The following KCNK10 variants were observed in gnomAD, a reference collection of about 807,000 sequenced individuals.
KCNK10 encodes potassium two pore domain channel subfamily K member 10, also known as potassium channel subfamily K member 10.
A neutral mutation model predicts 47.7 loss-of-function variants in KCNK10; 25 were observed. The ratio of observed to expected loss-of-function variants is 0.52; its 90% CI spans 0.38 to 0.73. KCNK10 has a LOEUF of 0.73. Among genes scored for constraint, KCNK10 ranks in the 30% least tolerant of loss-of-function variants. The pLI, the probability that KCNK10 is intolerant of heterozygous loss-of-function variation, is 0.00. For synonymous variants in KCNK10, 303 were observed against 285.6 expected (o/e 1.06, Z -0.61); for missense variants, 563 against 714.5 (o/e 0.79, Z 2.42).
At chr14:88,238,774 T>A (rs1886368960) in intron 3 of KCNK10, among the ~76,000 whole-genome samples, 1 of 152,232 alleles carries the variant, frequency 6.6e-6, no homozygotes, top group South Asian at 2.1e-4. Context: ...CAAAATGCCT[T>A]CCTCACCAAT....
Position 88,205,253 on chromosome 14 carries a change from G to A in KCNK10, c.682-12843C>T, listed in dbSNP as rs1048199109. ...CTTTTTAGCTTCTGTGCCCTTTTAAGGGCTGTTCCATCTGCTAGGATAAGG... is the reference window on the plus strand; with the variant it reads ...CTTTTTAGCTTCTGTGCCCTTTTAAAGGCTGTTCCATCTGCTAGGATAAGG... On this transcript the variant is annotated intron_variant, in intron 4 of 6. Coordinates refer to ENST00000319231, the MANE Select transcript of KCNK10 (RefSeq NM_138317.3). Among the ~76,000 whole-genome samples the A allele has an allele frequency of 2.6e-5, 4 of 152,132 alleles. No homozygotes were observed. In the East Asian group the frequency reaches 7.7e-4, roughly 29 times the overall value.
chr14:88,323,397 G>T, upstream of KCNK10: 3 of 684,474 alleles, frequency 4.4e-6, no homozygotes, highest in Non-Finnish European at 5.4e-6. Flanking sequence ...GGGTGGCGCG[G>T]CGCCCGGGCA....
In KCNK10 at chr14:88,186,158, G is replaced by A; in HGVS notation, c.1012-3C>T. ...GCATGGGCCTTGATTTCACCCACCT[G>A]GCCAAGAGACAGAAGAGCAACAATA... is the stretch of plus-strand genomic sequence containing the variant. On this transcript the variant is annotated splice_polypyrimidine_tract_variant and splice_region_variant and intron_variant, in intron 6 of 6. Transcript: ENST00000319231. This position sits in a 1 kb window ranked among gnomAD's most constrained non-coding sequence, Gnocchi z 5.5. 1 of 1,573,754 alleles carries A rather than the reference G, an allele frequency of 6.4e-7. No individual in the cohort carries two copies. Among genetic ancestry groups the A allele is most frequent in the South Asian group, 1.2e-5 (1 of 84,714 alleles).
At chr14:88,188,275 C>A (rs1247404048) in intron 5 of KCNK10, among the ~76,000 whole-genome samples, 166 bp from the exon 6 acceptor site, 2 of 152,092 alleles carry the variant, frequency 1.3e-5, no homozygotes, top group African/African-American at 2.4e-5. Flanking sequence ...AGGGGGGTAC[C>A]CATCCCTTAC....
intron 3 of KCNK10, chr14:88,235,183 T>C (rs1193722221): frequency 2.0e-5 from 9 of 456,578 alleles, no homozygotes; most frequent in Non-Finnish European, 3.5e-5. Context: ...TAGGATGTGC[T>C]GTCTGGAAGG....
intron 1 of KCNK10, among the ~76,000 whole-genome samples, chr14:88,315,514 C>CAGA: frequency 6.6e-6 from 1 of 152,164 alleles, no homozygotes; most frequent in East Asian, 1.9e-4. Context: ...CTGTCAGGCT[C>CAGA]ATATCACATT....
At chr14:88,325,266 C>G (rs1473695098), upstream of KCNK10, among the ~76,000 whole-genome samples, 1 of 152,196 alleles carries the variant, frequency 6.6e-6, no homozygotes, top group East Asian at 1.9e-4. Context: ...CAGCTGGACT[C>G]TAGCACAGTC....
chr14:88,251,070 T>C (rs979568403), intron 2 of KCNK10, among the ~76,000 whole-genome samples: 7 of 150,716 alleles, frequency 4.6e-5, no homozygotes, highest in Non-Finnish European at 7.4e-5. Flanking sequence ...CCGTCTCTAC[T>C]AAAAATACAA....
intron 4 of KCNK10, among the ~76,000 whole-genome samples, chr14:88,222,986 T>C (rs886661406): frequency 1.3e-5 from 2 of 152,132 alleles, no homozygotes; most frequent in African/African-American, 4.8e-5. Context: ...TGTTAATGAG[T>C]GTTGGGAGTA....
rs184096987 is a variant in KCNK10, at chr14:88,271,681, C to A, written c.53-8130G>T. Among the ~76,000 whole-genome samples, 228 of 152,260 alleles carry A rather than the reference C, an allele frequency of 1.5e-3. 1 individual carries two copies. Among genetic ancestry groups the A allele is most frequent in the Non-Finnish European group, 2.9e-3 (195 of 68,024 alleles). On this transcript the variant is annotated intron_variant, in intron 1 of 6. Transcript: ENST00000319231. ...GGTGAGTCCCCTCTCTGGTGGAAGA[C>A]AGGCAGAATTTACCCTGAGTCTGCC...
chr14:88,283,004 A>G (rs1252865924), intron 1 of KCNK10, among the ~76,000 whole-genome samples: 1 of 152,232 alleles, frequency 6.6e-6, no homozygotes, highest in Non-Finnish European at 1.5e-5. Context: ...TCTCTCTGCA[A>G]TTTAGACATG....
chr14:88,201,676 A>G (rs1885107070), intron 4 of KCNK10, among the ~76,000 whole-genome samples: 1 of 152,192 alleles, frequency 6.6e-6, no homozygotes, highest in African/African-American at 2.4e-5. Context: ...GAAAAAAAAA[A>G]ATAGAAGGCT....
intron 4 of KCNK10, among the ~76,000 whole-genome samples, chr14:88,224,429 G>A (rs1021250518): frequency 2.0e-5 from 3 of 152,158 alleles, no homozygotes; most frequent in Admixed American, 1.3e-4. Context: ...ATTTATTCAT[G>A]TCATAAAAAC....
At chr14:88,281,726 CCATAT>C (rs1887653556) in intron 1 of KCNK10, among the ~76,000 whole-genome samples, 2 of 90,664 alleles carry the variant, frequency 2.2e-5, no homozygotes, top group East Asian at 4.4e-4. Context: ...CTCTCTCTCT[CCATAT>C]ATATATATAT....
chr14:88,263,078 G>A, intron 2 of KCNK10, 124 bp downstream of exon 2: 1 of 738,686 alleles, frequency 1.4e-6, no homozygotes, highest in Non-Finnish European at 2.2e-6. Context: ...CACCTCCCTG[G>A]AGAGAACTTC....
chr14:88,288,781 C>T (rs991730171), intron 1 of KCNK10, among the ~76,000 whole-genome samples: 2 of 152,148 alleles, frequency 1.3e-5, no homozygotes, highest in Non-Finnish European at 2.9e-5. Flanking sequence ...AGGGACTGCA[C>T]GTGTGTTGTT....
chr14:88,270,834 T>A (rs754013514), intron 1 of KCNK10: 2 of 781,000 alleles, frequency 2.6e-6, no homozygotes, highest in Admixed American at 1.7e-5. Context: ...GGTGTCAGTG[T>A]GATCACATGG....
Position 88,183,553 on chromosome 14 carries a change from T to G in KCNK10, c.*1982A>C, listed in dbSNP as rs1884438464. On this transcript the variant is annotated 3_prime_UTR_variant, in exon 7 of 7. Coordinates refer to ENST00000319231, the MANE Select transcript of KCNK10 (RefSeq NM_138317.3). ...CATAGTAAAACTCAACATCCACACC[T>G]GCATAAACATCGCCTCCCAAGTGAC... is the stretch of plus-strand genomic sequence containing the variant. 6.6e-6 allele frequency: 1 copy of G among 152,348 alleles called. No homozygotes were observed. Among genetic ancestry groups the G allele is most frequent in the Admixed American group, 6.5e-5 (1 of 15,282 alleles). The allele number at this position is 152,348 out of a possible 1,614,324, so 9.4% of individuals were successfully genotyped here. A position where few individuals can be genotyped will look rare whatever the true frequency, so the allele number is the denominator to read the frequency against.
At chr14:88,201,568 G>A (rs1051861880) in intron 4 of KCNK10, among the ~76,000 whole-genome samples, 54 of 152,168 alleles carry the variant, frequency 3.5e-4, no homozygotes, top group African/African-American at 8.9e-4. Context: ...GCTGAGGCAG[G>A]GGAATCGCTT....
Sources: gnomAD v4.1 joint callset for allele counts (sites outside exome capture counted in the v4.1 genomes callset) on GRCh38, gnomAD v4.1.1 for gene constraint, Gnocchi (gnomAD v3.1) non-coding constraint, MANE v1.5 for transcripts, NCBI Gene and HGNC (gene_info 2026-07-23, HGNC 2026-07-21) for gene names.